The following PPM1H variants were observed in gnomAD, a reference collection of about 807,000 sequenced individuals.
PPM1H encodes the protein protein phosphatase 1H.
Under a neutral mutation model 54.9 loss-of-function variants are expected in PPM1H, and 27 were observed. The ratio of observed to expected loss-of-function variants is 0.49; its 90% CI spans 0.36 to 0.68. The LOEUF (loss-of-function observed/expected upper bound fraction) is 0.68. Among genes scored for constraint, PPM1H ranks in the 30% least tolerant of loss-of-function variants. PPM1H has a pLI of 0.00. For synonymous variants in PPM1H, 305 were observed against 270.8 expected (o/e 1.13, Z -1.24); for missense variants, 596 against 667.8 (o/e 0.89, Z 1.19).
Position 62,928,523 on chromosome 12 carries a change from TC to T in PPM1H, c.245+5968del, listed in dbSNP as rs1350939728. Among the ~76,000 whole-genome samples, 5 of 152,144 alleles carry T rather than the reference TC, an allele frequency of 3.3e-5. No homozygotes were observed. The East Asian group carries it at 9.6e-4, about 29-fold the overall frequency. On this transcript the variant is annotated intron_variant, in intron 1 of 9. Coordinates refer to ENST00000228705, the MANE Select transcript of PPM1H (RefSeq NM_020700.2). ...GAAAATCACAGTTAAATAACTGCAG[TC>T]CCACCTACTCTCTCCCCCTTCTCCC...
intron 3 of PPM1H, among the ~76,000 whole-genome samples, chr12:62,791,283 G>C (rs990827295): frequency 6.6e-6 from 1 of 152,116 alleles, no homozygotes; most frequent in African/African-American, 2.4e-5. Flanking sequence ...AGGATGAGGA[G>C]GAGGGGCACG....
chr12:62,760,720 T>A (rs1279747802), intron 4 of PPM1H, among the ~76,000 whole-genome samples: 1 of 152,210 alleles, frequency 6.6e-6, no homozygotes, highest in Non-Finnish European at 1.5e-5. Context: ...TCTAACTCTG[T>A]CCTACAATTT....
At chr12:62,795,192 CT>C (rs1450931976) in intron 3 of PPM1H, among the ~76,000 whole-genome samples, 11 of 152,102 alleles carry the variant, frequency 7.2e-5, no homozygotes, top group African/African-American at 2.7e-4. Flanking sequence ...CTGTTACCAT[CT>C]CCCCTCATTG....
Position 62,667,233 on chromosome 12 carries a change from C to A in PPM1H, c.1342G>T (p.Val448Leu). 6.2e-7 allele frequency: 1 copy of A among 1,600,244 alleles called. No individual in the cohort carries two copies. Among genetic ancestry groups the A allele is most frequent in the African/African-American group, 1.3e-5 (1 of 74,706 alleles). The change falls in exon 9 of 10, where the codon GTA (valine) becomes TTA (leucine). Residue 448 changes from valine (V) to leucine (L), a missense_variant. Around this residue, in one of 3 missense-constraint regions of PPM1H, gnomAD observed 208 missense variants for 259.5 expected, o/e 0.80. Coordinates refer to ENST00000228705, the MANE Select transcript of PPM1H (RefSeq NM_020700.2). ...GLWDVLSNEE[V>L]AEAITQFLPN... ...AGAAACTGAGTGATTGCTTCTGCTA[C>A]TTCTTCATTTGATAAAACGTCCCAG...
intron 9 of PPM1H, among the ~76,000 whole-genome samples, chr12:62,653,346 C>T (rs2075825738): frequency 6.6e-6 from 1 of 152,186 alleles, no homozygotes; most frequent in Non-Finnish European, 1.5e-5. Flanking sequence ...TCTTATTTTA[C>T]CTTGCAGATT....
At chr12:62,760,252 A>C (rs1377384171) in intron 4 of PPM1H, among the ~76,000 whole-genome samples, 1 of 152,090 alleles carries the variant, frequency 6.6e-6, no homozygotes, top group Admixed American at 6.5e-5. Flanking sequence ...GCATTCTTTT[A>C]CACATTGGTT....
At chr12:62,901,326 CTATTTT>C (rs1297195633) in intron 1 of PPM1H, among the ~76,000 whole-genome samples, 1 of 152,166 alleles carries the variant, frequency 6.6e-6, no homozygotes, top group African/African-American at 2.4e-5. Context: ...TCTCAGATTT[CTATTTT>C]TAAGTTTCTT....
chr12:62,662,996 A>G (rs368721260), intron 9 of PPM1H, among the ~76,000 whole-genome samples: 8 of 152,022 alleles, frequency 5.3e-5, no homozygotes, highest in South Asian at 4.2e-4. Context: ...GTATTCCTCT[A>G]TGGCTTATTA....
intron 3 of PPM1H, among the ~76,000 whole-genome samples, chr12:62,797,359 C>A (rs2076740448): frequency 6.6e-6 from 1 of 152,098 alleles, no homozygotes; most frequent in Non-Finnish European, 1.5e-5. Flanking sequence ...GGCAAGAGAG[C>A]CACAAAGCTG....
intron 4 of PPM1H, among the ~76,000 whole-genome samples, chr12:62,743,251 G>A (rs1300795780): frequency 6.6e-6 from 1 of 152,106 alleles, no homozygotes; most frequent in African/African-American, 2.4e-5. Flanking sequence ...TACTTGGGAG[G>A]CTGAGGCAGG....
intron 4 of PPM1H, among the ~76,000 whole-genome samples, chr12:62,752,020 C>T (rs772416484): frequency 5.3e-5 from 8 of 152,264 alleles, no homozygotes; most frequent in Admixed American, 3.3e-4. Flanking sequence ...ATCTCTCATT[C>T]GTTGAACATA....
chr12:62,707,652 C>T (rs1299430188), intron 6 of PPM1H, among the ~76,000 whole-genome samples: 1 of 152,144 alleles, frequency 6.6e-6, no homozygotes, highest in African/African-American at 2.4e-5. Context: ...GTAATTGCCC[C>T]AGATGACAAA....
At chr12:62,760,685 C>T (rs1468008447) in intron 4 of PPM1H, among the ~76,000 whole-genome samples, 1 of 152,214 alleles carries the variant, frequency 6.6e-6, no homozygotes, top group Admixed American at 6.5e-5. Context: ...TCAGACCCCA[C>T]TAAATATATA....
intron 4 of PPM1H, among the ~76,000 whole-genome samples, chr12:62,777,563 C>T (rs994139174): frequency 5.3e-5 from 8 of 152,100 alleles, no homozygotes; most frequent in African/African-American, 1.9e-4. Context: ...ATATGCAAAC[C>T]GAGGATGGAT....
intron 1 of PPM1H, among the ~76,000 whole-genome samples, chr12:62,908,730 C>T (rs1175672861): frequency 6.6e-6 from 1 of 152,226 alleles, no homozygotes; most frequent in Admixed American, 6.5e-5. Flanking sequence ...AAAAGAGATG[C>T]AGACCACACC....
chr12:62,815,164 G>A (rs561742033), intron 2 of PPM1H, among the ~76,000 whole-genome samples: 20 of 151,438 alleles, frequency 1.3e-4, no homozygotes, highest in African/African-American at 4.7e-4. Flanking sequence ...ACCCTACAGC[G>A]TTGTTCGCTT....
At chr12:62,856,655 C>T (rs1228840675) in intron 1 of PPM1H, among the ~76,000 whole-genome samples, 1 of 152,118 alleles carries the variant, frequency 6.6e-6, no homozygotes, top group Non-Finnish European at 1.5e-5. Flanking sequence ...TGTATTGCAA[C>T]ATCATTATGT....
intron 1 of PPM1H, among the ~76,000 whole-genome samples, chr12:62,890,717 TACAC>T (rs5798665): frequency 0.12 from 16,914 of 143,008 alleles, 1,049 homozygotes; most frequent in East Asian, 0.21. Flanking sequence ...TGTGTGTGTA[TACAC>T]ACACACACAC....
intron 4 of PPM1H, among the ~76,000 whole-genome samples, chr12:62,745,977 G>C (rs2076408089): frequency 6.6e-6 from 1 of 152,120 alleles, no homozygotes; most frequent in Non-Finnish European, 1.5e-5. Flanking sequence ...AAGATCACTT[G>C]AACCCAGGAG....
Sources: gnomAD v4.1 joint callset for allele counts (sites outside exome capture counted in the v4.1 genomes callset) on GRCh38, gnomAD v4.1.1 for gene constraint, gnomAD v4.1.1 regional missense constraint, MANE v1.5 for transcripts, NCBI Gene and HGNC (gene_info 2026-07-23, HGNC 2026-07-21) for gene names.